NYAP2: variants seen among roughly 807,000 people sequenced by gnomAD.
NYAP2 encodes neuronal tyrosine-phosphorylated phosphoinositide-3-kinase adaptor 2, also known as neuronal tyrosine-phosphorylated phosphoinositide-3-kinase adapter 2.
NYAP2 carries 23 observed loss-of-function variants against 50.4 expected under a neutral mutation model. The ratio of observed to expected loss-of-function variants is 0.46; its 90% CI spans 0.33 to 0.65. The LOEUF is 0.65. Ranked by LOEUF, NYAP2 falls within the 30% of genes least tolerant of loss-of-function variation. NYAP2 has a pLI of 0.02. For synonymous variants in NYAP2, 394 were observed against 365.2 expected (o/e 1.08, Z -0.90); for missense variants, 885 against 861.0 (o/e 1.03, Z -0.35).
At chr2:225,529,327 G>T (rs1045869339) in intron 4 of NYAP2, among the ~76,000 whole-genome samples, 2 of 151,840 alleles carry the variant, frequency 1.3e-5, no homozygotes, top group Admixed American at 6.6e-5. Flanking sequence ...ATGTTTTTTT[G>T]TTTGTTTGTT....
chr2:225,523,731 C>CA (rs948769302), intron 4 of NYAP2, among the ~76,000 whole-genome samples: 8 of 151,824 alleles, frequency 5.3e-5, no homozygotes, highest in South Asian at 2.1e-4. Flanking sequence ...CACATGAAAC[C>CA]AAAAAAACAA....
chr2:225,680,041 A>G, the NYAP2 span, among the ~76,000 whole-genome samples: 1 of 152,120 alleles, frequency 6.6e-6, no homozygotes, highest in Admixed American at 6.6e-5. Flanking sequence ...GATAGATAGC[A>G]CCGGGTTTAA....
At chr2:225,566,842 A>T (rs1691970349) in intron 4 of NYAP2, among the ~76,000 whole-genome samples, 1 of 152,096 alleles carries the variant, frequency 6.6e-6, no homozygotes, top group African/African-American at 2.4e-5. Context: ...TTGATTGACC[A>T]CTGGGTGGAG....
chr2:225,592,558 G>C (rs1692526178), intron 5 of NYAP2, among the ~76,000 whole-genome samples: 1 of 152,176 alleles, frequency 6.6e-6, no homozygotes, highest in African/African-American at 2.4e-5. Flanking sequence ...TGTTTTTAAA[G>C]TGAAGGGATT....
chr2:225,484,715 C>T (rs1287218605), intron 3 of NYAP2, among the ~76,000 whole-genome samples: 4 of 152,212 alleles, frequency 2.6e-5, no homozygotes, highest in Admixed American at 2.6e-4. Flanking sequence ...AAATAGAGTT[C>T]TCTGTAAGGC....
intron 4 of NYAP2, among the ~76,000 whole-genome samples, chr2:225,550,894 A>G (rs1455369920): frequency 1.3e-5 from 2 of 152,210 alleles, no homozygotes; most frequent in Non-Finnish European, 2.9e-5. Context: ...GGTGAAAATA[A>G]GAGGAAATTT....
chr2:225,668,589 G>A, the NYAP2 span, among the ~76,000 whole-genome samples: 2 of 152,110 alleles, frequency 1.3e-5, no homozygotes, highest in African/African-American at 4.8e-5. Flanking sequence ...CATCACAACA[G>A]TCCTGCAAAT....
At chr2:225,618,803 G>A (rs901097105) in intron 5 of NYAP2, among the ~76,000 whole-genome samples, 5 of 152,226 alleles carry the variant, frequency 3.3e-5, no homozygotes, top group Admixed American at 1.3e-4. Context: ...GGGGAATCAG[G>A]AAGTAATTTC....
At chr2:225,440,267 G>A (rs182966053) in intron 3 of NYAP2, among the ~76,000 whole-genome samples, 6 of 152,186 alleles carry the variant, frequency 3.9e-5, no homozygotes, top group Non-Finnish European at 7.3e-5. Context: ...CATAGGATGC[G>A]CTGGGTAGAA....
At chr2:225,679,285 A>AC in the NYAP2 span, among the ~76,000 whole-genome samples, 3 of 152,116 alleles carry the variant, frequency 2.0e-5, no homozygotes, top group Non-Finnish European at 2.9e-5. Context: ...ATTAAAACTA[A>AC]CCACTGAGAT....
At chr2:225,618,695 T>C (rs1483754886) in intron 5 of NYAP2, among the ~76,000 whole-genome samples, 1 of 152,096 alleles carries the variant, frequency 6.6e-6, no homozygotes, top group Non-Finnish European at 1.5e-5. Flanking sequence ...ACAATTAAAA[T>C]AGGTAATGGA....
intron 5 of NYAP2, among the ~76,000 whole-genome samples, chr2:225,599,591 G>A (rs1254055214): frequency 6.6e-6 from 1 of 152,212 alleles, no homozygotes; most frequent in African/African-American, 2.4e-5. Flanking sequence ...TTGTGCCAAT[G>A]TGAAACCCTG....
intron 4 of NYAP2, among the ~76,000 whole-genome samples, chr2:225,529,517 G>A (rs1691214641): frequency 6.6e-6 from 1 of 151,942 alleles, no homozygotes; most frequent in Non-Finnish European, 1.5e-5. Flanking sequence ...TAGAGACAGG[G>A]TTTTGCCATG....
intron 5 of NYAP2, among the ~76,000 whole-genome samples, chr2:225,617,606 A>G (rs912344684): frequency 2.6e-5 from 4 of 152,240 alleles, no homozygotes; most frequent in African/African-American, 9.6e-5. Context: ...CAAGTAAATG[A>G]TGTGACTGTT....
intron 3 of NYAP2, among the ~76,000 whole-genome samples, chr2:225,508,632 C>A (rs776847839): frequency 2.0e-4 from 30 of 152,030 alleles, no homozygotes; most frequent in Non-Finnish European, 3.4e-4. Flanking sequence ...GGAGGAAAAG[C>A]AATTGAATAG....
intron 5 of NYAP2, among the ~76,000 whole-genome samples, chr2:225,583,512 A>C (rs1358412733): frequency 2.0e-5 from 3 of 152,174 alleles, no homozygotes; most frequent in Non-Finnish European, 1.5e-5. Flanking sequence ...CAATCTGCAC[A>C]ATATAACATT....
chr2:225,586,436 T>C (rs1692391316), intron 5 of NYAP2, among the ~76,000 whole-genome samples: 3 of 152,316 alleles, frequency 2.0e-5, no homozygotes, highest in South Asian at 4.1e-4. Flanking sequence ...TGATAGTCTG[T>C]AGCTCTAGTA....
At chr2:225,529,360 G>A (rs1157257877) in intron 4 of NYAP2, among the ~76,000 whole-genome samples, 2 of 152,044 alleles carry the variant, frequency 1.3e-5, no homozygotes, top group African/African-American at 4.8e-5. Flanking sequence ...TCTCTCTCTT[G>A]TCGCCCAGGC....
upstream of NYAP2, among the ~76,000 whole-genome samples, chr2:225,399,204 T>A (rs1694817694): frequency 6.6e-6 from 1 of 152,078 alleles, no homozygotes; most frequent in African/African-American, 2.4e-5. Flanking sequence ...AATTGCTTTT[T>A]AAGCTCATAT....
Sources: gnomAD v4.1 joint callset for allele counts (sites outside exome capture counted in the v4.1 genomes callset) on GRCh38, gnomAD v4.1.1 for gene constraint, MANE v1.5 for transcripts, NCBI Gene and HGNC (gene_info 2026-07-23, HGNC 2026-07-21) for gene names.